Variants in BRAF observed in about 807,000 individuals in gnomAD.
The protein encoded by BRAF is B-Raf proto-oncogene, serine/threonine kinase.
A neutral mutation model predicts 104.6 loss-of-function variants in BRAF; 16 were observed. That is an observed-to-expected ratio of 0.15 (90% CI 0.10 to 0.23). The LOEUF (loss-of-function observed/expected upper bound fraction) is 0.23. BRAF is among the 10% of genes least tolerant of loss of function. BRAF has a pLI of 1.00. For synonymous variants in BRAF, 310 were observed against 341.6 expected (o/e 0.91, Z 1.02); for missense variants, 541 against 937.3 (o/e 0.58, Z 5.52).
chr7:140,755,681 G>A (rs1586025144), intron 14 of BRAF, among the ~76,000 whole-genome samples: 1 of 151,958 alleles, frequency 6.6e-6, no homozygotes, highest in African/African-American at 2.4e-5. Context: ...ATGTTATTTC[G>A]GTTATAGGTC....
At chr7:140,713,930 G>C in the BRAF span, among the ~76,000 whole-genome samples, 1 of 152,162 alleles carries the variant, frequency 6.6e-6, no homozygotes, top group South Asian at 2.1e-4. Context: ...GTGTATATTG[G>C]TGAACCGCAA....
At chr7:140,876,188 C>A (rs573377292) in intron 1 of BRAF, among the ~76,000 whole-genome samples, 2 of 152,146 alleles carry the variant, frequency 1.3e-5, no homozygotes, top group Non-Finnish European at 2.9e-5. Context: ...AAGAGACCTA[C>A]GTAGTTTTAA....
At position 140,895,219 on chromosome 7, in the gene BRAF, A is replaced by G. The variant is rs1814745807; in HGVS notation, c.138+29347T>C. Among the ~76,000 whole-genome samples the G allele has an allele frequency of 2.6e-5, 4 of 152,238 alleles. No homozygotes were observed. The South Asian group carries it at 8.3e-4, about 32-fold the overall frequency. The stretch of plus-strand genomic sequence containing the variant: ...TACCTAAATAGATCAATGTAGGAAA[A>G]AAACATGATCACCTCAATAAATGTA... On this transcript the variant is annotated intron_variant, in intron 1 of 19. Coordinates refer to ENST00000644969, the MANE Select transcript of BRAF (RefSeq NM_001374258.1).
At chr7:140,846,269 T>C (rs976725780) in intron 2 of BRAF, among the ~76,000 whole-genome samples, 12 of 152,190 alleles carry the variant, frequency 7.9e-5, no homozygotes, top group African/African-American at 2.7e-4. Flanking sequence ...GATGGATGAA[T>C]GGATAATCAA....
intron 1 of BRAF, among the ~76,000 whole-genome samples, chr7:140,900,157 A>G (rs1280781685): frequency 1.3e-5 from 2 of 152,262 alleles, no homozygotes; most frequent in Non-Finnish European, 2.9e-5. Flanking sequence ...CGGTAATTAC[A>G]CAACAATAGA....
At chr7:140,920,925 A>C (rs1368769892) in intron 1 of BRAF, among the ~76,000 whole-genome samples, 1 of 152,222 alleles carries the variant, frequency 6.6e-6, no homozygotes, top group Non-Finnish European at 1.5e-5. Flanking sequence ...ATTAATGAGA[A>C]TACCACTTTT....
chr7:140,753,830 TA>T (rs1035921166), intron 15 of BRAF: 4 of 348,728 alleles, frequency 1.1e-5, no homozygotes, highest in African/African-American at 8.4e-5. Flanking sequence ...TTATATAATT[TA>T]GAGTCTTCAG....
chr7:140,896,236 C>A (rs1028879467), intron 1 of BRAF, among the ~76,000 whole-genome samples: 1 of 151,978 alleles, frequency 6.6e-6, no homozygotes, highest in Non-Finnish European at 1.5e-5. Flanking sequence ...GGTCTTTGAT[C>A]CATTTTGAGT....
intron 5 of BRAF, among the ~76,000 whole-genome samples, chr7:140,806,115 T>C (rs982114011): frequency 1.3e-5 from 2 of 152,198 alleles, no homozygotes; most frequent in Admixed American, 6.5e-5. Flanking sequence ...TCATCCATTC[T>C]GAACTTCTTT....
chr7:140,906,162 T>C (rs1174118378), intron 1 of BRAF, among the ~76,000 whole-genome samples: 1 of 151,892 alleles, frequency 6.6e-6, no homozygotes, highest in East Asian at 1.9e-4. Flanking sequence ...TTTCTACCTT[T>C]CTCTCTGACA....
intron 5 of BRAF, among the ~76,000 whole-genome samples, chr7:140,805,438 T>C (rs1803563615): frequency 6.6e-6 from 1 of 152,228 alleles, no homozygotes; most frequent in Non-Finnish European, 1.5e-5. Flanking sequence ...AGAAAACATG[T>C]GGATATGCAT....
chr7:140,795,946 T>C (rs1050904918), intron 7 of BRAF, among the ~76,000 whole-genome samples: 1 of 152,166 alleles, frequency 6.6e-6, no homozygotes, highest in Non-Finnish European at 1.5e-5. Flanking sequence ...CAAATATATG[T>C]CTATAGCTAG....
At chr7:140,746,175 TACA>T (rs1797332068) in intron 17 of BRAF, among the ~76,000 whole-genome samples, 1 of 152,186 alleles carries the variant, frequency 6.6e-6, no homozygotes, top group Non-Finnish European at 1.5e-5. Flanking sequence ...ACTGGAATAA[TACA>T]CTTGAAATAA....
chr7:140,749,013 T>C (rs1797572886), intron 17 of BRAF: 1 of 402,460 alleles, frequency 2.5e-6, no homozygotes, highest in Non-Finnish European at 4.6e-6. Flanking sequence ...CTTCTAATTG[T>C]GCGATGGTCA....
chr7:140,746,497 G>T (rs915589722), intron 17 of BRAF, among the ~76,000 whole-genome samples: 4 of 152,044 alleles, frequency 2.6e-5, no homozygotes, highest in African/African-American at 9.7e-5. Context: ...GAAGCTGGAA[G>T]AAATTCTTAG....
chr7:140,833,053 T>G (rs1806953382), intron 3 of BRAF, among the ~76,000 whole-genome samples: 1 of 151,902 alleles, frequency 6.6e-6, no homozygotes, highest in African/African-American at 2.4e-5. Flanking sequence ...TTTTTGTATT[T>G]TTAGTAGAGC....
At chr7:140,766,089 G>A (rs1432074069) in intron 14 of BRAF, among the ~76,000 whole-genome samples, 1 of 152,088 alleles carries the variant, frequency 6.6e-6, no homozygotes, top group South Asian at 2.1e-4. Flanking sequence ...AGAAAATGTG[G>A]CACATATACA....
At chr7:140,897,561 T>C (rs1240945646) in intron 1 of BRAF, among the ~76,000 whole-genome samples, 1 of 139,654 alleles carries the variant, frequency 7.2e-6, no homozygotes, top group Non-Finnish European at 1.5e-5. Context: ...AGTGGCACAA[T>C]CTCAGCTCAT....
chr7:140,876,600 T>C (rs1002438169), intron 1 of BRAF, among the ~76,000 whole-genome samples: 14 of 152,186 alleles, frequency 9.2e-5, no homozygotes, highest in African/African-American at 3.4e-4. Context: ...ATTTTCATAA[T>C]AGAAAGCATA....
Sources: gnomAD v4.1 joint callset for allele counts (sites outside exome capture counted in the v4.1 genomes callset) on GRCh38, gnomAD v4.1.1 for gene constraint, MANE v1.5 for transcripts, NCBI Gene and HGNC (gene_info 2026-07-23, HGNC 2026-07-21) for gene names.